Variants in SMAP2 observed in about 807,000 individuals in gnomAD.
SMAP2 encodes the protein small ArfGAP2, also known as stromal membrane-associated protein 2.
Under a neutral mutation model 56.4 loss-of-function variants are expected in SMAP2, and 25 were observed. That is an observed-to-expected ratio of 0.44 (90% CI 0.32 to 0.62). SMAP2 has a LOEUF of 0.62. Among genes scored for constraint, SMAP2 ranks in the 20% least tolerant of loss-of-function variants. The pLI is 0.04. For synonymous variants in SMAP2, 157 were observed against 181.7 expected (o/e 0.86, Z 1.09); for missense variants, 388 against 545.6 (o/e 0.71, Z 2.88).
At chr1:40,367,661 C>T (rs1332702275) in intron 2 of SMAP2, among the ~76,000 whole-genome samples, 1 of 102,874 alleles carries the variant, frequency 9.7e-6, no homozygotes, top group Non-Finnish European at 1.9e-5. Context: ...CCAACGAGAA[C>T]AAAGACACAA....
At chr1:40,413,361 C>A (rs1295644008) in intron 5 of SMAP2, among the ~76,000 whole-genome samples, 1 of 152,212 alleles carries the variant, frequency 6.6e-6, no homozygotes, top group African/African-American at 2.4e-5. Context: ...GCAAGAGGCA[C>A]ATTCCAAGCC....
chr1:40,390,339 G>A (rs1302138104), intron 1 of SMAP2, among the ~76,000 whole-genome samples: 1 of 152,218 alleles, frequency 6.6e-6, no homozygotes, highest in Non-Finnish European at 1.5e-5. Context: ...AATGTGTTAG[G>A]AAAGCTGCTG....
At chr1:40,406,109 C>T (rs767209991) in intron 1 of SMAP2, among the ~76,000 whole-genome samples, 13 of 152,146 alleles carry the variant, frequency 8.5e-5, no homozygotes, top group South Asian at 4.1e-4. Context: ...GTAGGAAAAC[C>T]GAATACAGGC....
intron 9 of SMAP2, 61 bp from the exon 10 acceptor site, chr1:40,421,915 T>G (rs1383143090): frequency 1.2e-6 from 2 of 1,607,442 alleles, no homozygotes; most frequent in African/African-American, 1.3e-5. Flanking sequence ...TCACCCTGCC[T>G]TTTGCACTAA....
At chr1:40,379,555 CTT>C (rs35398664) in intron 1 of SMAP2, among the ~76,000 whole-genome samples, 1,150 of 78,084 alleles carry the variant, frequency 0.015, 10 homozygotes, top group African/African-American at 0.05. Flanking sequence ...TGTTGTCTCT[CTT>C]TTTTTTTTTT....
intron 9 of SMAP2, among the ~76,000 whole-genome samples, chr1:40,419,565 A>G (rs545054789): frequency 6.6e-6 from 1 of 152,240 alleles, no homozygotes; most frequent in African/African-American, 2.4e-5. Context: ...GATTACAGGC[A>G]TGAGCCACTG....
chr1:40,376,095 C>T lies in SMAP2; in HGVS notation c.103+1872C>T, dbSNP rs189201963. Among the ~76,000 whole-genome samples the T allele has an allele frequency of 2.0e-4, 31 of 152,088 alleles. No individual in the cohort carries two copies. The East Asian group carries it at 4.1e-3, about 20-fold the overall frequency. ...CCTCCCGAGTACCTGGGATTACAGG[C>T]GCCCGCCACCATGCCCAGCTGATTT... On this transcript the variant is annotated intron_variant, in intron 1 of 9. Coordinates refer to ENST00000372718, the MANE Select transcript of SMAP2 (RefSeq NM_022733.3).
At chr1:40,383,420 G>A (rs539120187) in intron 1 of SMAP2, among the ~76,000 whole-genome samples, 5 of 152,260 alleles carry the variant, frequency 3.3e-5, no homozygotes, top group South Asian at 4.1e-4. Flanking sequence ...GTGATCAAGC[G>A]GAGCAAGGGA....
At chr1:40,394,681 G>C (rs1370042699) in intron 1 of SMAP2, among the ~76,000 whole-genome samples, 3 of 152,086 alleles carry the variant, frequency 2.0e-5, no homozygotes, top group African/African-American at 7.2e-5. Flanking sequence ...TCAGCTCTCA[G>C]ACACTACCAC....
At chr1:40,359,734 T>C (rs984997365) in intron 1 of SMAP2, among the ~76,000 whole-genome samples, 1 of 152,178 alleles carries the variant, frequency 6.6e-6, no homozygotes. Flanking sequence ...TCATCTCTTA[T>C]AACCCATTAT....
chr1:40,407,671 A>T (rs1026043026), intron 2 of SMAP2, among the ~76,000 whole-genome samples: 2 of 152,194 alleles, frequency 1.3e-5, no homozygotes, highest in African/African-American at 2.4e-5. Context: ...ATATTTTTAG[A>T]CACATACAAA....
intron 1 of SMAP2, among the ~76,000 whole-genome samples, chr1:40,400,616 C>A (rs2982508): frequency 2.0e-5 from 3 of 151,796 alleles, no homozygotes; most frequent in African/African-American, 7.3e-5. Context: ...CTGACTGACG[C>A]AATGGAATGG....
At chr1:40,417,713 G>A (rs1363039192) in intron 9 of SMAP2, among the ~76,000 whole-genome samples, 4 of 152,092 alleles carry the variant, frequency 2.6e-5, no homozygotes, top group Non-Finnish European at 5.9e-5. Flanking sequence ...ATTGCTTCTC[G>A]GGGAGATGGG....
At chr1:40,403,338 T>C (rs1374850716) in intron 1 of SMAP2, among the ~76,000 whole-genome samples, 2 of 152,150 alleles carry the variant, frequency 1.3e-5, no homozygotes, top group Non-Finnish European at 2.9e-5. Context: ...AAACCCCGTC[T>C]CTACTAAAAT....
chr1:40,393,202 T>C, intron 1 of SMAP2: 2 of 728,738 alleles, frequency 2.7e-6, no homozygotes. Context: ...AGCACATGCC[T>C]GTAGTCCCAG....
intron 1 of SMAP2, among the ~76,000 whole-genome samples, chr1:40,379,886 A>G (rs1644580624): frequency 6.6e-6 from 1 of 152,206 alleles, no homozygotes; most frequent in Non-Finnish European, 1.5e-5. Flanking sequence ...ATAGACACAT[A>G]TAAGCCTACT....
intron 3 of SMAP2, 29 bp from the exon 4 acceptor site, chr1:40,409,728 T>G (rs568216168): frequency 6.8e-7 from 1 of 1,469,066 alleles, no homozygotes; most frequent in South Asian, 1.1e-5. Flanking sequence ...AGAGGCTTGT[T>G]GGATTCATCC....
intron 1 of SMAP2, among the ~76,000 whole-genome samples, chr1:40,377,042 TTG>T (rs1644547465): frequency 6.6e-6 from 1 of 152,204 alleles, no homozygotes; most frequent in African/African-American, 2.4e-5. Context: ...TCCCAGCACT[TTG>T]AGAGGCCAAG....
chr1:40,374,101 C>A lies in SMAP2; in HGVS notation c.-20C>A, dbSNP rs1011887432. On this transcript the variant is annotated 5_prime_UTR_variant, in exon 1 of 10. Coordinates refer to ENST00000372718, the MANE Select transcript of SMAP2 (RefSeq NM_022733.3). This position sits in a 1 kb window ranked among gnomAD's most constrained non-coding sequence, Gnocchi z 5.9. The stretch of plus-strand genomic sequence containing the variant: ...GGCGAGGAGGGCGCGTCGCCCTCTG[C>A]CCCCGCCGGCACCCTGGCCATGACA... The A allele has an allele frequency of 1.3e-6, 2 of 1,598,544 alleles. No homozygotes were observed. Among genetic ancestry groups the A allele is most frequent in the South Asian group, 2.2e-5 (2 of 89,216 alleles).
Sources: allele counts gnomAD v4.1 joint callset (sites outside exome capture counted in the v4.1 genomes callset), GRCh38; gene constraint gnomAD v4.1.1; non-coding constraint Gnocchi (gnomAD v3.1); transcripts MANE v1.5; gene names NCBI Gene and HGNC (gene_info 2026-07-23, HGNC 2026-07-21).